LSM3: variants seen among roughly 807,000 people sequenced by gnomAD.
LSM3 encodes the protein U6 snRNA-associated Sm-like protein LSm3.
A neutral mutation model predicts 15.4 loss-of-function variants in LSM3; 14 were observed. The ratio of observed to expected loss-of-function variants is 0.91; its 90% CI spans 0.60 to 1.42. The LOEUF (loss-of-function observed/expected upper bound fraction) is 1.42. Ranked by LOEUF, LSM3 falls within the 40% of genes most tolerant of loss-of-function variation. The pLI, the probability that LSM3 is intolerant of heterozygous loss-of-function variation, is 0.00. For synonymous variants in LSM3, 46 were observed against 45.1 expected, an observed-to-expected ratio of 1.02 and a Z score of -0.08; for missense variants, 88 against 127.9, an observed-to-expected ratio of 0.69 and a Z score of 1.50.
chr3:14,189,150 G>T (rs1697116744), intron 3 of LSM3, among the ~76,000 whole-genome samples: 1 of 152,136 alleles, frequency 6.6e-6, no homozygotes, highest in South Asian at 2.1e-4. Context: ...TTTTATAGCT[G>T]CACAGTATTC....
intron 3 of LSM3, among the ~76,000 whole-genome samples, chr3:14,192,164 G>C (rs945936195): frequency 6.6e-6 from 1 of 152,178 alleles, no homozygotes; most frequent in Admixed American, 6.5e-5. Flanking sequence ...TATGATTTCT[G>C]TTCTTTTACA....
chr3:14,183,730 T>C (rs540769491), intron 2 of LSM3, among the ~76,000 whole-genome samples: 9 of 152,388 alleles, frequency 5.9e-5, no homozygotes, highest in Admixed American at 5.2e-4. Flanking sequence ...TTTATATTTT[T>C]ATCAGGTCAA....
At chr3:14,197,647 C>T (rs2124830896) in intron 3 of LSM3, among the ~76,000 whole-genome samples, 1 of 152,314 alleles carries the variant, frequency 6.6e-6, no homozygotes, top group South Asian at 2.1e-4. Flanking sequence ...TGAGCTCTCG[C>T]CATTATCTTA....
chr3:14,198,165 C>G lies in LSM3; in HGVS notation c.*49C>G, dbSNP rs1168429673. Reference sequence around the variant, plus strand: ...AAAACGGGAGACTTTGTACAGTGGCCTCTCTAAAAGTACAAAACATTCATA... The same window carrying G: ...AAAACGGGAGACTTTGTACAGTGGCGTCTCTAAAAGTACAAAACATTCATA... On this transcript the variant is annotated 3_prime_UTR_variant, in exon 4 of 4. Coordinates refer to ENST00000306024, the MANE Select transcript of LSM3 (RefSeq NM_014463.3). The G allele has an allele frequency of 7.3e-7, 1 of 1,374,142 alleles. No homozygotes were observed. Among genetic ancestry groups the G allele is most frequent in the Non-Finnish European group, 1.0e-6 (1 of 964,814 alleles). 85.1% of individuals were successfully genotyped at this position (1,374,142 alleles called of 1,614,324 possible). A position where few individuals can be genotyped will look rare whatever the true frequency, so the allele number is the denominator to read the frequency against.
intron 2 of LSM3, among the ~76,000 whole-genome samples, chr3:14,182,603 CTTG>C (rs1697050372): frequency 6.6e-6 from 1 of 152,146 alleles, no homozygotes; most frequent in Non-Finnish European, 1.5e-5. Flanking sequence ...TCCTTAATGA[CTTG>C]TTACTTTCCT....
In LSM3 at chr3:14,183,918, C is replaced by G. The variant is rs777077817; in HGVS notation, c.133-19C>G. ...AATTTGATTATTAAATTTCTTGGTT[C>G]TGTACCCTCCCACTTTAGGCTTATG... On this transcript the variant is annotated intron_variant, in intron 2 of 3. Transcript: ENST00000306024. 1 of 1,577,628 alleles carries G rather than the reference C, an allele frequency of 6.3e-7. No individual in the cohort carries two copies. The highest frequency in any genetic ancestry group is 1.2e-5 in the South Asian group (1 of 86,172).
rs1697075051 is a variant in LSM3 at position 14,185,024 on chromosome 3, T to G, written c.228+992T>G. ...GTGAGCTGAGATTGTGCCATTGCCC[T>G]CCAGCCTTGTCAACAAGAGTGAAAC... On this transcript the variant is annotated intron_variant, in intron 3 of 3. Transcript: ENST00000306024. Among the ~76,000 whole-genome samples the G allele has an allele frequency of 2.0e-5, 3 of 150,926 alleles. No homozygotes were observed. The South Asian group carries it at 6.3e-4, about 32-fold the overall frequency.
At chr3:14,182,941 G>A (rs2125056780) in intron 2 of LSM3, among the ~76,000 whole-genome samples, 1 of 152,330 alleles carries the variant, frequency 6.6e-6, no homozygotes, top group South Asian at 2.1e-4. Context: ...TCTGGGCTTG[G>A]AAAGGAAATA....
intron 3 of LSM3, among the ~76,000 whole-genome samples, chr3:14,191,811 T>C (rs569121443): frequency 1.3e-5 from 2 of 152,316 alleles, no homozygotes; most frequent in Admixed American, 1.3e-4. Flanking sequence ...GGTTATTTCA[T>C]GTCTTCTTCT....
In LSM3 at chr3:14,178,847, G is replaced by A. The variant is rs1214322845; in HGVS notation, c.-14G>A. On this transcript the variant is annotated 5_prime_UTR_variant, in exon 1 of 4. Coordinates refer to ENST00000306024, the MANE Select transcript of LSM3 (RefSeq NM_014463.3). ...GTTCTCGCGAGAGGCGGGAAAGGGC[G>A]CAGGGTTTGAAACATGGCGGACGAC... 6.2e-7 allele frequency: 1 copy of A among 1,614,200 alleles called. No individual in the cohort carries two copies.
At position 14,187,615 on chromosome 3, in the gene LSM3, A is replaced by G. The variant is rs572645201; in HGVS notation, c.228+3583A>G. Reference sequence around the variant, plus strand: ...TTACTCCTCTCCAAGATGGGAAACCAGACTAAATGGTTTCTTACCTTGGCC... The same window carrying G: ...TTACTCCTCTCCAAGATGGGAAACCGGACTAAATGGTTTCTTACCTTGGCC... On this transcript the variant is annotated intron_variant, in intron 3 of 3. Transcript: ENST00000306024. Among the ~76,000 whole-genome samples, 685 of 152,320 alleles carry G rather than the reference A, an allele frequency of 4.5e-3. 9 individuals carry two copies. The highest frequency in any genetic ancestry group is 0.016 in the African/African-American group (646 of 41,570).
intron 3 of LSM3, among the ~76,000 whole-genome samples, chr3:14,193,069 G>C (rs531426535): frequency 6.6e-6 from 1 of 152,316 alleles, no homozygotes; most frequent in South Asian, 2.1e-4. Flanking sequence ...ACTCTGGGTT[G>C]ATAATTCTTT....
intron 3 of LSM3, among the ~76,000 whole-genome samples, chr3:14,187,967 G>A (rs892863503): frequency 2.0e-5 from 3 of 152,132 alleles, no homozygotes; most frequent in African/African-American, 4.8e-5. Flanking sequence ...CAAACACCTC[G>A]TAGTTTGGCT....
At chr3:14,197,757 C>T (rs891256270) in intron 3 of LSM3, among the ~76,000 whole-genome samples, 4 of 152,158 alleles carry the variant, frequency 2.6e-5, no homozygotes, top group African/African-American at 4.8e-5. Context: ...TAAAGCAATC[C>T]GATGGCTACA....
chr3:14,184,048 C>A lies in LSM3; in HGVS notation c.228+16C>A. 1 of 1,594,440 alleles carries A rather than the reference C, an allele frequency of 6.3e-7. No homozygotes were observed. Among genetic ancestry groups the A allele is most frequent in the Non-Finnish European group, 8.5e-7 (1 of 1,173,650 alleles). On this transcript the variant is annotated intron_variant, in intron 3 of 3. Coordinates refer to ENST00000306024, the MANE Select transcript of LSM3 (RefSeq NM_014463.3). ...GATATATAAAGTAAGTCATGCAATTCTATTCATTGCTTTGCAAATATCAGC... is the reference window on the plus strand; with the variant it reads ...GATATATAAAGTAAGTCATGCAATTATATTCATTGCTTTGCAAATATCAGC...
intron 1 of LSM3, among the ~76,000 whole-genome samples, chr3:14,179,883 C>T (rs1697002861): frequency 6.6e-6 from 1 of 152,212 alleles, no homozygotes; most frequent in Admixed American, 6.5e-5. Context: ...CATATTCTTA[C>T]AGTATTATAA....
intron 3 of LSM3, among the ~76,000 whole-genome samples, chr3:14,188,623 CCT>C (rs532353910): frequency 1.3e-5 from 2 of 151,792 alleles, no homozygotes; most frequent in African/African-American, 4.9e-5. Context: ...TCTCCCTTCC[CCT>C]GTTTTTTTAT....
chr3:14,196,492 A>G (rs1697189045), intron 3 of LSM3, among the ~76,000 whole-genome samples: 1 of 152,210 alleles, frequency 6.6e-6, no homozygotes, highest in Admixed American at 6.5e-5. Flanking sequence ...CATTTATGAT[A>G]AACACAGCAG....
chr3:14,178,912 G>A lies in LSM3; in HGVS notation c.21+31G>A, dbSNP rs764343173. On this transcript the variant is annotated intron_variant, in intron 1 of 3. Coordinates refer to ENST00000306024, the MANE Select transcript of LSM3 (RefSeq NM_014463.3). ...TGTATTTTAAGGAGGTCGCTCGAAG[G>A]AGCTTCTTGTACTAGGCTGCTTTTT... 15 of 1,613,598 alleles carry A rather than the reference G, an allele frequency of 9.3e-6. No individual in the cohort carries two copies. In the African/African-American group the frequency reaches 1.5e-4, roughly 16 times the overall value.
Sources: gnomAD v4.1 joint callset for allele counts (sites outside exome capture counted in the v4.1 genomes callset) on GRCh38, gnomAD v4.1.1 for gene constraint, MANE v1.5 for transcripts, NCBI Gene and HGNC (gene_info 2026-07-23, HGNC 2026-07-21) for gene names.